The following CXXC5 variants were observed in gnomAD, a reference collection of about 807,000 sequenced individuals.
The protein encoded by CXXC5 is CXXC finger protein 5, also known as CXXC-type zinc finger protein 5.
A neutral mutation model predicts 17.6 loss-of-function variants in CXXC5; 2 were observed. That is an observed-to-expected ratio of 0.11 (90% confidence interval 0.05 to 0.36). CXXC5 has a LOEUF of 0.36. Among genes scored for constraint, CXXC5 ranks in the 10% least tolerant of loss-of-function variants. The pLI, the probability that CXXC5 is intolerant of heterozygous loss-of-function variation, is 1.00. For synonymous variants in CXXC5, 171 were observed against 193.0 expected, an observed-to-expected ratio of 0.89 and a Z score of 0.94; for missense variants, 343 against 458.3, an observed-to-expected ratio of 0.75 and a Z score of 2.30.
chr5:139,681,274 T>A lies in CXXC5; in HGVS notation c.751T>A (p.Ser251Thr). Residue 251 changes from serine (S) to threonine (T), a missense_variant, in exon 2 of 3, where the codon TCT becomes ACT. This residue lies in a region of CXXC5 where 297 missense variants were observed against 363.4 expected (regional missense o/e 0.82). Transcript: ENST00000302517. ...GTACCCCATGCAGGGAGAGCTGGCC[T>A]CTGCCATCAGCTCCGGCAAGAAGAA... The part of the protein sequence containing the change: ...AEYPMQGELA[S>T]AISSGKKKRK... The A allele has an allele frequency of 1.9e-6, 3 of 1,612,670 alleles. No homozygotes were observed. The highest frequency in any genetic ancestry group is 2.2e-5 in the South Asian group (2 of 91,028).
intron 1 of CXXC5, among the ~76,000 whole-genome samples, chr5:139,657,611 C>T (rs11739814): frequency 0.011 from 1,670 of 152,260 alleles, 8 homozygotes; most frequent in Non-Finnish European, 0.016. Context: ...AGGGGCAAGG[C>T]GGAGAGATGT....
intron 1 of CXXC5, among the ~76,000 whole-genome samples, chr5:139,674,175 C>T (rs1440954185): frequency 1.3e-5 from 2 of 152,184 alleles, no homozygotes; most frequent in Non-Finnish European, 2.9e-5. Flanking sequence ...TCCCTGCCTC[C>T]AAGACCAGTC....
intron 2 of CXXC5, among the ~76,000 whole-genome samples, chr5:139,682,324 A>AGCCCCAG (rs1757282493): frequency 1.3e-4 from 16 of 125,506 alleles, no homozygotes; most frequent in South Asian, 2.8e-4. Context: ...CCCTCCCCCA[A>AGCCCCAG]CCCCAGCCCC....
At chr5:139,650,407 C>G (rs991855191) in intron 1 of CXXC5, among the ~76,000 whole-genome samples, 2 of 152,246 alleles carry the variant, frequency 1.3e-5, no homozygotes, top group African/African-American at 2.4e-5. Flanking sequence ...CTGTCCCCCC[C>G]ACCCCCGCAT....
chr5:139,681,294 G>C lies in CXXC5; in HGVS notation c.771G>C (p.Lys257Asn). 1 of 1,612,844 alleles carries C rather than the reference G, an allele frequency of 6.2e-7. No individual in the cohort carries two copies. The highest frequency in any genetic ancestry group is 8.5e-7 in the Non-Finnish European group (1 of 1,179,954). Residue 257 changes from lysine to asparagine, a missense_variant, in exon 2 of 3, where the codon AAG becomes AAC. By Grantham distance (94) the Lys-to-Asn change is moderately conservative. Around this residue, in one of 4 missense-constraint regions of CXXC5, gnomAD observed 297 missense variants for 363.4 expected, o/e 0.82. Transcript: ENST00000302517. ...GELASAISSG[K>N]KKRKRCGMCA... is the part of the protein sequence containing the mutation. ...TGGCCTCTGCCATCAGCTCCGGCAA[G>C]AAGAAGCGGAAACGCTGCGGCATGT...
intron 1 of CXXC5, among the ~76,000 whole-genome samples, chr5:139,656,688 C>G (rs1054373530): frequency 6.6e-6 from 1 of 152,196 alleles, no homozygotes; most frequent in Non-Finnish European, 1.5e-5. Context: ...CTGCTGTAAT[C>G]AGTTGCGGCC....
intron 1 of CXXC5, among the ~76,000 whole-genome samples, chr5:139,659,839 TGCCCACC>T (rs1203322853): frequency 6.6e-6 from 1 of 152,132 alleles, no homozygotes; most frequent in African/African-American, 2.4e-5. Flanking sequence ...TTTCTCCCAC[TGCCCACC>T]GAGCTTCTTG....
intron 2 of CXXC5, 75 bp from the exon 3 acceptor site, chr5:139,682,788 G>A: frequency 7.0e-7 from 1 of 1,426,830 alleles, no homozygotes; most frequent in East Asian, 2.7e-5. Flanking sequence ...CCATCCATGG[G>A]GGAACGTCTT....
chr5:139,676,825 G>T (rs560993141), intron 1 of CXXC5, among the ~76,000 whole-genome samples: 13 of 151,722 alleles, frequency 8.6e-5, no homozygotes, highest in African/African-American at 2.7e-4. Context: ...CCATGACACT[G>T]TCTCCACTAA....
intron 1 of CXXC5, among the ~76,000 whole-genome samples, chr5:139,651,595 A>G (rs1755182686): frequency 1.3e-5 from 2 of 152,282 alleles, no homozygotes; most frequent in South Asian, 2.1e-4. Flanking sequence ...GGGTGAAGAA[A>G]CAAGTCCAGG....
intron 2 of CXXC5, 146 bp from the exon 3 acceptor site, chr5:139,682,717 G>T (rs1052339150): frequency 5.2e-5 from 40 of 766,318 alleles, no homozygotes; most frequent in Non-Finnish European, 7.3e-5. Context: ...GGCCTGGCTG[G>T]GGTGGCAGGA....
At chr5:139,673,178 G>A (rs1756575968) in intron 1 of CXXC5, among the ~76,000 whole-genome samples, 1 of 152,164 alleles carries the variant, frequency 6.6e-6, no homozygotes, top group African/African-American at 2.4e-5. Flanking sequence ...GGCAATAATA[G>A]GACTTCCTTC....
At chr5:139,671,501 A>G (rs1000675948) in intron 1 of CXXC5, among the ~76,000 whole-genome samples, 6 of 152,192 alleles carry the variant, frequency 3.9e-5, no homozygotes, top group African/African-American at 1.4e-4. Flanking sequence ...ACCCTGGGCC[A>G]GCCGCGGGTG....
intron 1 of CXXC5, among the ~76,000 whole-genome samples, chr5:139,657,828 G>A (rs1755567873): frequency 6.6e-6 from 1 of 152,290 alleles, no homozygotes; most frequent in South Asian, 2.1e-4. Flanking sequence ...AAGATAAAGC[G>A]TGGAGCTTGG....
chr5:139,675,958 A>G (rs2126808222), intron 1 of CXXC5, among the ~76,000 whole-genome samples: 1 of 152,074 alleles, frequency 6.6e-6, no homozygotes, highest in South Asian at 2.1e-4. Flanking sequence ...CCAGAGCCTT[A>G]GGGTAGAGGC....
chr5:139,669,592 C>T (rs1756334603), intron 1 of CXXC5, among the ~76,000 whole-genome samples: 1 of 152,106 alleles, frequency 6.6e-6, no homozygotes, highest in African/African-American at 2.4e-5. Context: ...GGTGCCCACA[C>T]CAAGTGATGT....
chr5:139,658,619 C>T lies in CXXC5; in HGVS notation c.-161+9774C>T, dbSNP rs1355042811. Among the ~76,000 whole-genome samples, 2 of 152,286 alleles carry T rather than the reference C, an allele frequency of 1.3e-5. No homozygotes were observed. Among genetic ancestry groups the T allele is most frequent in the African/African-American group, 2.4e-5 (1 of 41,558 alleles). On this transcript the variant is annotated intron_variant, in intron 1 of 2. Coordinates refer to ENST00000302517, the MANE Select transcript of CXXC5 (RefSeq NM_016463.9). The surrounding 1 kb of genome is among the most constrained non-coding windows in gnomAD (Gnocchi z 4.1). ...GTCCTCTTGGCGGTGCCCGCCCGCCCGCTGCCCACGCTTCCCGAGGCACCA... is the reference window on the plus strand; with the variant it reads ...GTCCTCTTGGCGGTGCCCGCCCGCCTGCTGCCCACGCTTCCCGAGGCACCA...
chr5:139,649,342 C>G (rs897474332), intron 1 of CXXC5: 2 of 152,372 alleles, frequency 1.3e-5, no homozygotes, highest in Non-Finnish European at 2.9e-5. Flanking sequence ...CACCTCTTGG[C>G]GTTGGGCGGG....
chr5:139,658,524 G>A lies in CXXC5; in HGVS notation c.-161+9679G>A, dbSNP rs757446256. On this transcript the variant is annotated intron_variant, in intron 1 of 2. Transcript: ENST00000302517. The surrounding 1 kb of genome is among the most constrained non-coding windows in gnomAD (Gnocchi z 4.1). ...CCAGCCCCTCTCTGGAGCTCTAGCC[G>A]GTGTGGAGAGTGGGCTGTGGGCCCA... Among the ~76,000 whole-genome samples, 9 of 152,352 alleles carry A rather than the reference G, an allele frequency of 5.9e-5. No individual in the cohort carries two copies. In the South Asian group the frequency reaches 6.2e-4, roughly 11 times the overall value.
Sources: allele counts gnomAD v4.1 joint callset (sites outside exome capture counted in the v4.1 genomes callset), GRCh38; gene constraint gnomAD v4.1.1; regional missense constraint gnomAD v4.1.1; non-coding constraint Gnocchi (gnomAD v3.1); transcripts MANE v1.5; gene names NCBI Gene and HGNC (gene_info 2026-07-23, HGNC 2026-07-21).